Variants in XKR6 observed in about 807,000 individuals in gnomAD.
XKR6 encodes XK-related protein 6.
Under a neutral mutation model 56.7 loss-of-function variants are expected in XKR6, and 22 were observed. The ratio of observed to expected loss-of-function variants is 0.39; its 90% CI spans 0.28 to 0.55. The LOEUF (loss-of-function observed/expected upper bound fraction) is 0.55. Among genes scored for constraint, XKR6 ranks in the 20% least tolerant of loss-of-function variants. The pLI is 0.66. For missense variants in XKR6, 852 were observed against 889.0 expected (o/e 0.96, Z 0.53); for synonymous variants, 524 against 387.8 (o/e 1.35, Z -4.13).
At chr8:11,179,215 C>T (rs960415694) in intron 1 of XKR6, among the ~76,000 whole-genome samples, 2 of 151,950 alleles carry the variant, frequency 1.3e-5, no homozygotes, top group Non-Finnish European at 1.5e-5. Flanking sequence ...CGAGTATAGT[C>T]ACCCAAAAAG....
chr8:10,898,314 A>G lies in XKR6; in HGVS notation c.1564T>C (p.Leu522=), dbSNP rs1252380464. 2 of 1,614,062 alleles carry G rather than the reference A, an allele frequency of 1.2e-6. No homozygotes were observed. The highest frequency in any genetic ancestry group is 1.7e-5 in the Admixed American group (1 of 60,026). ...CCAELLWGIP[L]PPDVEPMAPE... ...GCCATGGGCTCAACATCGGGGGGCA[A>G]AGGGATGCCCCAGAGCAGCTCGGCA... is the stretch of plus-strand genomic sequence containing the variant. Residue 522 remains leucine (L), a synonymous_variant, in exon 3 of 3, where the codon TTG becomes CTG. Coordinates refer to ENST00000416569, the MANE Select transcript of XKR6 (RefSeq NM_173683.4). This position sits in a 1 kb window ranked among gnomAD's most constrained non-coding sequence, Gnocchi z 6.6.
At chr8:10,902,349 T>G (rs1334146609) in intron 2 of XKR6, among the ~76,000 whole-genome samples, 1 of 152,152 alleles carries the variant, frequency 6.6e-6, no homozygotes, top group Non-Finnish European at 1.5e-5. Context: ...CTAGGGGAGC[T>G]TCCCAGACCA....
At chr8:11,072,876 C>A (rs1271928850) in intron 1 of XKR6, among the ~76,000 whole-genome samples, 1 of 152,040 alleles carries the variant, frequency 6.6e-6, no homozygotes. Context: ...ATGGTGAAAC[C>A]CCATCTCTAC....
At chr8:11,196,335 G>A (rs1301167753) in intron 1 of XKR6, among the ~76,000 whole-genome samples, 1 of 152,156 alleles carries the variant, frequency 6.6e-6, no homozygotes, top group Admixed American at 6.5e-5. Flanking sequence ...AAGGCAAAGA[G>A]AAGTGGGCTA....
chr8:11,137,599 C>T (rs956555751), intron 1 of XKR6: 4 of 456,150 alleles, frequency 8.8e-6, no homozygotes, highest in Admixed American at 7.0e-5. Context: ...TTAGAACCAG[C>T]TCTTCTACAC....
intron 1 of XKR6, among the ~76,000 whole-genome samples, chr8:10,969,059 C>G (rs1209899695): frequency 6.6e-6 from 1 of 152,196 alleles, no homozygotes; most frequent in African/African-American, 2.4e-5. Context: ...GGGTCCTAAA[C>G]TTGAGTGCGC....
Position 11,005,798 on chromosome 8 carries a change from T to A in XKR6, c.765-80968A>T, listed in dbSNP as rs1798353957. The stretch of plus-strand genomic sequence containing the variant: ...TTTTTCATATCTACAGTTTTCAAGG[T>A]TTGTATGATAGACATATATAATAAA... On this transcript the variant is annotated intron_variant, in intron 1 of 2. Transcript: ENST00000416569. Among the ~76,000 whole-genome samples the A allele has an allele frequency of 2.6e-5, 4 of 152,018 alleles. No individual in the cohort carries two copies. In the South Asian group the frequency reaches 8.3e-4, roughly 32 times the overall value.
intron 1 of XKR6, among the ~76,000 whole-genome samples, chr8:11,175,817 C>T (rs954249676): frequency 6.6e-6 from 1 of 152,184 alleles, no homozygotes; most frequent in Admixed American, 6.5e-5. Flanking sequence ...ATACACTACA[C>T]ATCCGTCCGT....
chr8:11,094,705 TCCTCACAGA>T (rs1269698345), intron 1 of XKR6, among the ~76,000 whole-genome samples: 2 of 152,104 alleles, frequency 1.3e-5, no homozygotes, highest in Non-Finnish European at 2.9e-5. Context: ...ACACCTATCA[TCCTCACAGA>T]CCTCTGGGGT....
chr8:11,104,051 A>G (rs1383072768), intron 1 of XKR6, among the ~76,000 whole-genome samples: 2 of 152,202 alleles, frequency 1.3e-5, no homozygotes, highest in Non-Finnish European at 2.9e-5. Context: ...TCTTGCTTTC[A>G]AGTCCCACAG....
intron 1 of XKR6, among the ~76,000 whole-genome samples, chr8:11,150,725 C>T (rs564565401): frequency 9.2e-5 from 14 of 151,748 alleles, no homozygotes; most frequent in African/African-American, 3.4e-4. Flanking sequence ...TGGTGGCGGG[C>T]GCCTATAATC....
intron 1 of XKR6, among the ~76,000 whole-genome samples, chr8:11,053,060 C>A (rs113848896): frequency 6.6e-6 from 1 of 152,298 alleles, no homozygotes; most frequent in East Asian, 1.9e-4. Context: ...GACCCCCCCA[C>A]GCGCCACCCT....
At chr8:11,134,527 T>C (rs1028146445) in intron 1 of XKR6, among the ~76,000 whole-genome samples, 1 of 152,190 alleles carries the variant, frequency 6.6e-6, no homozygotes, top group African/African-American at 2.4e-5. Context: ...ATTCAGTGGG[T>C]GCCATATGAA....
intron 1 of XKR6, among the ~76,000 whole-genome samples, chr8:11,094,580 CCT>C: frequency 6.6e-6 from 1 of 152,222 alleles, no homozygotes; most frequent in South Asian, 2.1e-4. Context: ...TCCTGGGAAC[CCT>C]CTGTCTCCCA....
intron 1 of XKR6, among the ~76,000 whole-genome samples, chr8:11,139,183 G>T (rs9329237): frequency 0.14 from 20,809 of 152,202 alleles, 3,007 homozygotes; most frequent in African/African-American, 0.37. Flanking sequence ...TATAAAAGAT[G>T]CTTTCCTCCA....
intron 1 of XKR6, among the ~76,000 whole-genome samples, chr8:11,023,061 C>G (rs912595507): frequency 5.3e-5 from 8 of 152,182 alleles, no homozygotes; most frequent in African/African-American, 1.9e-4. Flanking sequence ...AAACTCCAGA[C>G]CAAAGGCTCA....
chr8:11,004,590 A>G (rs1798323333), intron 1 of XKR6, among the ~76,000 whole-genome samples: 1 of 152,234 alleles, frequency 6.6e-6, no homozygotes, highest in Non-Finnish European at 1.5e-5. Context: ...CCAGGCCAGC[A>G]ACAGGGAGCT....
At chr8:10,939,851 C>A (rs150821636) in intron 1 of XKR6, among the ~76,000 whole-genome samples, 3 of 152,226 alleles carry the variant, frequency 2.0e-5, no homozygotes, top group Admixed American at 6.5e-5. Flanking sequence ...GGTTGTCAGG[C>A]GTCCTTGGGA....
chr8:11,196,311 T>C (rs1266405890), intron 1 of XKR6, among the ~76,000 whole-genome samples: 2 of 152,190 alleles, frequency 1.3e-5, no homozygotes, highest in Non-Finnish European at 2.9e-5. Context: ...ATAAACATTA[T>C]TTGTATCCCA....
Sources: gnomAD v4.1 joint callset for allele counts (sites outside exome capture counted in the v4.1 genomes callset) on GRCh38, gnomAD v4.1.1 for gene constraint, Gnocchi (gnomAD v3.1) non-coding constraint, MANE v1.5 for transcripts, NCBI Gene and HGNC (gene_info 2026-07-23, HGNC 2026-07-21) for gene names.